Variants in ZNF184 observed in about 807,000 individuals in gnomAD.
ZNF184 encodes the protein zinc finger protein 184.
Under a neutral mutation model 54.4 loss-of-function variants are expected in ZNF184, and 16 were observed. That is an observed-to-expected ratio of 0.29 (90% CI 0.20 to 0.45). The LOEUF (loss-of-function observed/expected upper bound fraction) is 0.45, where lower values mean the gene tolerates loss of function less well. Among genes scored for constraint, ZNF184 ranks in the 20% least tolerant of loss-of-function variants. The probability of loss-of-function intolerance (pLI) is 1.00; values close to 1 mark genes in which losing one functional copy is unlikely to be tolerated. For missense variants in ZNF184, 681 were observed against 888.2 expected (o/e 0.77, Z 2.97); for synonymous variants, 254 against 295.3 (o/e 0.86, Z 1.43).
the ZNF184 span, among the ~76,000 whole-genome samples, chr6:27,413,506 CT>C: frequency 6.6e-6 from 1 of 152,190 alleles, no homozygotes; most frequent in Non-Finnish European, 1.5e-5. Context: ...ATGGACTCCT[CT>C]ATGCTCATTG....
chr6:27,423,236 C>T, the ZNF184 span, among the ~76,000 whole-genome samples: 1 of 152,172 alleles, frequency 6.6e-6, no homozygotes, highest in Non-Finnish European at 1.5e-5. Context: ...GTGAGGTCAT[C>T]GGCTTTCACC....
At chr6:27,412,190 TGGCCAGCATCTCCTA>T in the ZNF184 span, among the ~76,000 whole-genome samples, 1 of 152,182 alleles carries the variant, frequency 6.6e-6, no homozygotes, top group African/African-American at 2.4e-5. Flanking sequence ...GTCCTGGAAC[TGGCCAGCATCTCCTA>T]GGAAACATAG....
chr6:27,425,015 C>T, the ZNF184 span, among the ~76,000 whole-genome samples: 1 of 152,188 alleles, frequency 6.6e-6, no homozygotes, highest in African/African-American at 2.4e-5. Context: ...AGCGCAGCAC[C>T]GGTGGGCTAG....
In ZNF184 at chr6:27,451,761, G is replaced by A. The variant is rs963838852; in HGVS notation, c.1798C>T (p.His600Tyr). ...ECGRAFNQNIHLTQHKRIHTG... is the reference protein window; with the variant it reads ...ECGRAFNQNIYLTQHKRIHTG... ...TGAATTCTCTTATGCTGTGTAAGGT[G>A]TATGTTCTGGTTGAATGCTCTCCCA... The change falls in exon 6 of 6, where the codon CAC becomes TAC. Residue 600 changes from histidine (H) to tyrosine (Y), a missense_variant. Transcript: ENST00000683788. 6.2e-7 allele frequency: 1 copy of A among 1,613,930 alleles called. No homozygotes were observed. Among genetic ancestry groups the A allele is most frequent in the Non-Finnish European group, 8.5e-7 (1 of 1,179,986 alleles).
At chr6:27,416,591 C>T in the ZNF184 span, among the ~76,000 whole-genome samples, 1 of 152,124 alleles carries the variant, frequency 6.6e-6, no homozygotes, top group South Asian at 2.1e-4. Flanking sequence ...TGAATCTCTC[C>T]TCCCCTTATT....
the ZNF184 span, among the ~76,000 whole-genome samples, chr6:27,441,612 AGGTAT>A: frequency 2.6e-5 from 4 of 152,208 alleles, no homozygotes; most frequent in African/African-American, 9.7e-5. Context: ...TTATAAGAAT[AGGTAT>A]GGTGACACAA....
intron 5 of ZNF184, among the ~76,000 whole-genome samples, chr6:27,455,043 T>C (rs1762821671): frequency 6.6e-6 from 1 of 152,174 alleles, no homozygotes; most frequent in African/African-American, 2.4e-5. Context: ...GGCCCAGGGC[T>C]AGTGGCCAAA....
chr6:27,427,779 G>A, the ZNF184 span, among the ~76,000 whole-genome samples: 1 of 152,172 alleles, frequency 6.6e-6, no homozygotes, highest in Admixed American at 6.5e-5. Flanking sequence ...TACCACGTTT[G>A]GTGGTGTCAC....
chr6:27,463,805 GAATT>G (rs1260654805), intron 3 of ZNF184, among the ~76,000 whole-genome samples: 4 of 151,618 alleles, frequency 2.6e-5, no homozygotes, highest in Non-Finnish European at 5.9e-5. Flanking sequence ...TGTCACACTA[GAATT>G]AATAAACAAA....
rs187837587 is a variant in ZNF184 at position 27,458,401 on chromosome 6, G to A, written c.76-992C>T. On this transcript the variant is annotated intron_variant, in intron 3 of 5. Transcript: ENST00000683788. ...TCATCTCACAAGGGACTAATATCCA[G>A]AATATACTCAAATCAACAGCAAAAA... is the stretch of plus-strand genomic sequence containing the variant. Among the ~76,000 whole-genome samples, 205 of 148,120 alleles carry A rather than the reference G, an allele frequency of 1.4e-3. 1 individual carries two copies. The highest frequency in any genetic ancestry group is 4.9e-3 in the African/African-American group (195 of 40,162).
the ZNF184 span, among the ~76,000 whole-genome samples, chr6:27,421,487 A>T: frequency 6.6e-6 from 1 of 152,228 alleles, no homozygotes; most frequent in Non-Finnish European, 1.5e-5. Context: ...GGATGACAGC[A>T]TAACCATTAC....
At position 27,452,405 on chromosome 6, in the gene ZNF184, G is replaced by C. The variant is rs1762753296; in HGVS notation, c.1154C>G (p.Thr385Ser). The change falls in exon 6 of 6, where the codon ACT (threonine) becomes AGT (serine). Residue 385 changes from threonine to serine, a missense_variant. Coordinates refer to ENST00000683788, the MANE Select transcript of ZNF184 (RefSeq NM_001318891.2). The surrounding 1 kb of genome is among the most constrained non-coding windows in gnomAD (Gnocchi z 5.5). ...THLTQHQKIH[T>S]GEKTYKCNEC... ...ATTACATTTATAGGTTTTTTCTCCA[G>C]TATGAATTTTTTGATGTTGAGTAAG... The C allele has an allele frequency of 3.1e-6, 5 of 1,613,864 alleles. No homozygotes were observed. In the South Asian group the frequency reaches 5.5e-5, roughly 18 times the overall value.
rs1393394255 is a variant in ZNF184 at position 27,472,261 on chromosome 6, C to T, written c.7+27G>A. ...GACTGTTCTCAAGCCTCCATCACCC[C>T]GCTCTCCCCCAAGTCGACCCCACTA... is the stretch of plus-strand genomic sequence containing the variant. On this transcript the variant is annotated intron_variant, in intron 2 of 5. Transcript: ENST00000683788. The surrounding 1 kb of genome is among the most constrained non-coding windows in gnomAD (Gnocchi z 4.8). The T allele has an allele frequency of 3.0e-5, 48 of 1,613,482 alleles. No homozygotes were observed. Among genetic ancestry groups the T allele is most frequent in the Non-Finnish European group, 4.1e-5 (48 of 1,179,666 alleles).
the ZNF184 span, among the ~76,000 whole-genome samples, chr6:27,442,872 A>AAG: frequency 1.2e-5 from 1 of 80,580 alleles, no homozygotes; most frequent in South Asian, 5.6e-4. Flanking sequence ...GAAAGAAAGA[A>AAG]AGAAAGAAAA....
chr6:27,436,781 A>G, the ZNF184 span, among the ~76,000 whole-genome samples: 4 of 152,320 alleles, frequency 2.6e-5, no homozygotes, highest in South Asian at 8.3e-4. Context: ...GAAAAGGAAC[A>G]CTGCTTTGTT....
chr6:27,442,721 C>CGGAA, the ZNF184 span, among the ~76,000 whole-genome samples: 20,925 of 101,702 alleles, frequency 0.21, 3,860 homozygotes, highest in African/African-American at 0.41. Context: ...GAAAGAAGGA[C>CGGAA]GGAAGGAAGG....
Position 27,457,580 on chromosome 6 carries a change from G to C in ZNF184, c.76-171C>G, listed in dbSNP as rs570494762. Among the ~76,000 whole-genome samples the C allele has an allele frequency of 9.9e-5, 15 of 152,262 alleles. 1 individual carries two copies. In the East Asian group the frequency reaches 2.7e-3, roughly 27 times the overall value. Reference sequence around the variant, plus strand: ...ACAGTGCCTCATCCATTGGGTTATTGTGAGAATTAAATAAAACATTCCATG... The same window carrying C: ...ACAGTGCCTCATCCATTGGGTTATTCTGAGAATTAAATAAAACATTCCATG... On this transcript the variant is annotated intron_variant, in intron 3 of 5. Coordinates refer to ENST00000683788, the MANE Select transcript of ZNF184 (RefSeq NM_001318891.2).
chr6:27,442,812 G>GAGAAAA, the ZNF184 span, among the ~76,000 whole-genome samples: 1 of 52,624 alleles, frequency 1.9e-5, no homozygotes, highest in South Asian at 1.1e-3. Flanking sequence ...GAGAAAGAAA[G>GAGAAAA]AGAAAGAAAG....
chr6:27,442,848 AAGAAAGAAAGAAAG>A, the ZNF184 span, among the ~76,000 whole-genome samples: 7 of 70,484 alleles, frequency 9.9e-5, no homozygotes, highest in African/African-American at 3.6e-4. Flanking sequence ...GAAAGAAAGA[AAGAAAGAAAGAAAG>A]AAAGAAAGAA....
Sources: allele counts gnomAD v4.1 joint callset (sites outside exome capture counted in the v4.1 genomes callset), GRCh38; gene constraint gnomAD v4.1.1; non-coding constraint Gnocchi (gnomAD v3.1); transcripts MANE v1.5; gene names NCBI Gene and HGNC (gene_info 2026-07-23, HGNC 2026-07-21).